The following LMNTD1 variants were observed in gnomAD, a reference collection of about 807,000 sequenced individuals.
LMNTD1 encodes lamin tail domain containing 1.
LMNTD1 carries 35 observed loss-of-function variants against 50.9 expected under a neutral mutation model. The ratio of observed to expected loss-of-function variants is 0.69; its 90% confidence interval spans 0.53 to 0.91. The LOEUF is 0.91. Among genes scored for constraint, LMNTD1 ranks in the 40% least tolerant of loss-of-function variants. The probability of loss-of-function intolerance (pLI) is 0.00; values close to 1 mark genes in which losing one functional copy is unlikely to be tolerated. For missense variants in LMNTD1, 470 were observed against 475.5 expected, an observed-to-expected ratio of 0.99 and a Z score of 0.11; for synonymous variants, 153 against 161.9, an observed-to-expected ratio of 0.94 and a Z score of 0.42.
At chr12:25,556,644 G>A (rs77048040), upstream of LMNTD1, among the ~76,000 whole-genome samples, 2,373 of 152,246 alleles carry the variant, frequency 0.016, 62 homozygotes, top group African/African-American at 0.054. Flanking sequence ...GAAAGTACGA[G>A]AATTTTGCTG....
At chr12:25,519,000 A>C in intron 7 of LMNTD1, 33 bp from the exon 8 acceptor site, 1 of 1,605,708 alleles carries the variant, frequency 6.2e-7, no homozygotes, top group South Asian at 1.1e-5. Context: ...TGGAACTCAA[A>C]AGCCATTTTA....
At chr12:25,553,021 A>G in intron 1 of LMNTD1, 32 bp from the exon 2 acceptor site, 1 of 1,606,120 alleles carries the variant, frequency 6.2e-7, no homozygotes, top group African/African-American at 1.3e-5. Context: ...TCAGATGACG[A>G]ATATGGCTGA....
intron 1 of LMNTD1, among the ~76,000 whole-genome samples, chr12:25,565,283 G>A (rs1944510127): frequency 6.6e-6 from 1 of 151,562 alleles, no homozygotes; most frequent in African/African-American, 2.4e-5. Context: ...CTTCCTTTTA[G>A]TGAAGATTAT....
chr12:25,477,743 A>C (rs1243635987), intron 9 of LMNTD1, among the ~76,000 whole-genome samples: 3 of 152,110 alleles, frequency 2.0e-5, no homozygotes, highest in Non-Finnish European at 4.4e-5. Flanking sequence ...GACCTTTATC[A>C]CAGGGCATGG....
At chr12:25,479,052 C>T (rs1426599082) in intron 9 of LMNTD1, among the ~76,000 whole-genome samples, 1 of 152,140 alleles carries the variant, frequency 6.6e-6, no homozygotes. Context: ...CTCTTCCCTA[C>T]CTCTGTTGTG....
intron 6 of LMNTD1, among the ~76,000 whole-genome samples, chr12:25,524,918 G>T (rs765801222): frequency 6.6e-6 from 1 of 152,080 alleles, no homozygotes; most frequent in Non-Finnish European, 1.5e-5. Flanking sequence ...AACTGTTCCC[G>T]CAGAAAGACA....
intron 1 of LMNTD1, among the ~76,000 whole-genome samples, chr12:25,559,449 T>C (rs1393405590): frequency 3.3e-5 from 5 of 152,238 alleles, no homozygotes; most frequent in East Asian, 1.9e-4. Flanking sequence ...CTATCATTGA[T>C]GGACATTTGG....
At chr12:25,625,424 G>A (rs529502178) in intron 1 of LMNTD1, among the ~76,000 whole-genome samples, 77 of 152,196 alleles carry the variant, frequency 5.1e-4, no homozygotes, top group Non-Finnish European at 1.0e-3. Flanking sequence ...ATTCTGGGTG[G>A]AGTTTCACCA....
At chr12:25,527,445 G>A (rs1302396127) in intron 4 of LMNTD1, among the ~76,000 whole-genome samples, 2 of 150,894 alleles carry the variant, frequency 1.3e-5, no homozygotes, top group Admixed American at 1.3e-4. Flanking sequence ...TGCATTGAGA[G>A]CTTTCTATGT....
chr12:25,525,504 C>T (rs546139539), intron 6 of LMNTD1, among the ~76,000 whole-genome samples: 1 of 152,234 alleles, frequency 6.6e-6, no homozygotes, highest in South Asian at 2.1e-4. Context: ...ACTCTTCAGG[C>T]TAAATATCAC....
chr12:25,572,321 A>G (rs1427609568), intron 1 of LMNTD1, among the ~76,000 whole-genome samples: 1 of 152,230 alleles, frequency 6.6e-6, no homozygotes, highest in African/African-American at 2.4e-5. Context: ...TATTCAGAGT[A>G]TTGTGATTTA....
intron 1 of LMNTD1, among the ~76,000 whole-genome samples, chr12:25,616,330 C>T (rs367916580): frequency 2.6e-5 from 4 of 152,082 alleles, no homozygotes; most frequent in African/African-American, 4.8e-5. Context: ...CTTGCAATAA[C>T]TTATTTTACA....
chr12:25,582,836 A>G (rs1459338116), intron 1 of LMNTD1, among the ~76,000 whole-genome samples: 1 of 152,110 alleles, frequency 6.6e-6, no homozygotes, highest in African/African-American at 2.4e-5. Context: ...AATATATAAT[A>G]AGTTATTTAA....
intron 1 of LMNTD1, among the ~76,000 whole-genome samples, chr12:25,599,084 C>T (rs1592089769): frequency 6.6e-6 from 1 of 152,084 alleles, no homozygotes; most frequent in East Asian, 1.9e-4. Flanking sequence ...AGCAAACAAA[C>T]TTCAACAATA....
chr12:25,593,012 C>T (rs1240958710), intron 1 of LMNTD1: 1 of 152,140 alleles, frequency 6.6e-6, no homozygotes, highest in Non-Finnish European at 1.5e-5. Context: ...CCTAGGAACA[C>T]AACTCCATTA....
intron 1 of LMNTD1, among the ~76,000 whole-genome samples, chr12:25,600,191 C>A (rs1945932236): frequency 6.6e-6 from 1 of 151,830 alleles, no homozygotes. Context: ...AGAACATACA[C>A]TGGGGAAAAG....
intron 6 of LMNTD1, among the ~76,000 whole-genome samples, chr12:25,525,497 C>A (rs903389298): frequency 6.6e-6 from 1 of 152,150 alleles, no homozygotes; most frequent in Non-Finnish European, 1.5e-5. Context: ...TTATCCCACT[C>A]TTCAGGCTAA....
intron 1 of LMNTD1, chr12:25,592,545 C>G (rs370119965): frequency 1.2e-4 from 19 of 152,234 alleles, no homozygotes; most frequent in African/African-American, 4.6e-4. Flanking sequence ...GTAGAGGAAG[C>G]AGCGGGAAAA....
intron 1 of LMNTD1, among the ~76,000 whole-genome samples, chr12:25,567,275 C>A (rs1384106766): frequency 6.6e-6 from 1 of 152,078 alleles, no homozygotes. Context: ...TTTTCTTCAG[C>A]TGTTCTATTA....
Sources: gnomAD v4.1 joint callset for allele counts (sites outside exome capture counted in the v4.1 genomes callset) on GRCh38, gnomAD v4.1.1 for gene constraint, MANE v1.5 for transcripts, NCBI Gene and HGNC (gene_info 2026-07-23, HGNC 2026-07-21) for gene names.